Variants in ALX1 observed in about 807,000 individuals in gnomAD.
The protein encoded by ALX1 is ALX homeobox protein 1.
A neutral mutation model predicts 31.7 loss-of-function variants in ALX1; 19 were observed. The ratio of observed to expected loss-of-function variants is 0.60; its 90% CI spans 0.42 to 0.88. The LOEUF (loss-of-function observed/expected upper bound fraction) is 0.88. ALX1 is among the 40% of genes least tolerant of loss of function. The pLI is 0.00. For synonymous variants in ALX1, 153 were observed against 148.8 expected (o/e 1.03, Z -0.20); for missense variants, 415 against 407.8 (o/e 1.02, Z -0.15).
At chr12:85,291,704 G>A (rs1593050794) in intron 3 of ALX1, among the ~76,000 whole-genome samples, 1 of 150,984 alleles carries the variant, frequency 6.6e-6, no homozygotes, top group South Asian at 2.1e-4. Context: ...AGTATTGTTG[G>A]TGCTGGTGTT....
At chr12:85,294,184 T>C (rs1896855369) in intron 3 of ALX1, among the ~76,000 whole-genome samples, 1 of 151,196 alleles carries the variant, frequency 6.6e-6, no homozygotes, top group Admixed American at 6.6e-5. Flanking sequence ...TCTAAGCTAT[T>C]TATGCATAAA....
At chr12:85,282,050 G>A (rs1483919575) in intron 1 of ALX1, among the ~76,000 whole-genome samples, 3 of 152,098 alleles carry the variant, frequency 2.0e-5, no homozygotes, top group African/African-American at 7.2e-5. Flanking sequence ...CTTAATTTAG[G>A]AGAGATCCTG....
intron 2 of ALX1, among the ~76,000 whole-genome samples, chr12:85,286,397 T>A (rs962366324): frequency 2.6e-5 from 4 of 151,984 alleles, no homozygotes; most frequent in Non-Finnish European, 5.9e-5. Context: ...ACTTTTGTGA[T>A]ATATTTTAAA....
intron 2 of ALX1, among the ~76,000 whole-genome samples, chr12:85,285,737 T>A (rs1238644127): frequency 6.6e-6 from 1 of 152,008 alleles, no homozygotes; most frequent in Non-Finnish European, 1.5e-5. Context: ...TTGCATTTTT[T>A]ATATTTGATT....
chr12:85,301,329 A>G lies in ALX1; in HGVS notation c.835A>G (p.Asn279Asp). The G allele has an allele frequency of 1.2e-6, 2 of 1,613,942 alleles. No homozygotes were observed. Among genetic ancestry groups the G allele is most frequent in the South Asian group, 1.1e-5 (1 of 91,064 alleles). The change falls in exon 4 of 4, where the codon AAT becomes GAT. Residue 279 changes from asparagine (N) to aspartate (D), a missense_variant. Around this residue, in one of 3 missense-constraint regions of ALX1, gnomAD observed 174 missense variants for 177.5 expected, o/e 0.98. Transcript: ENST00000316824. ...QNQFSHVPLN[N>D]FFTDSLLTGA... ...CCAGTTCAGCCACGTGCCCCTCAACAATTTTTTCACTGACTCTCTTCTTAC... is the reference window on the plus strand; with the variant it reads ...CCAGTTCAGCCACGTGCCCCTCAACGATTTTTTCACTGACTCTCTTCTTAC...
At position 85,280,245 on chromosome 12, in the gene ALX1, G is replaced by T; in HGVS notation, c.-17G>T. 2 of 1,607,526 alleles carry T rather than the reference G, an allele frequency of 1.2e-6. No individual in the cohort carries two copies. The highest frequency in any genetic ancestry group is 1.1e-5 in the South Asian group (1 of 90,966). On this transcript the variant is annotated 5_prime_UTR_variant, in exon 1 of 4. Transcript: ENST00000316824. ...AGTTTCTGTGCCCCAGGAGCTACGC[G>T]ACAGTCTTCCAGGATTATGGAGTTT...
At chr12:85,288,432 C>T in intron 3 of ALX1, among the ~76,000 whole-genome samples, 1 of 151,466 alleles carries the variant, frequency 6.6e-6, no homozygotes, top group East Asian at 1.9e-4. Flanking sequence ...CATCATAGGG[C>T]TAGTCAAATT....
chr12:85,301,524 T>G lies in ALX1; in HGVS notation c.*49T>G. The G allele has an allele frequency of 1.3e-6, 2 of 1,573,676 alleles. No homozygotes were observed. The highest frequency in any genetic ancestry group is 2.2e-5 in the South Asian group (2 of 90,206). ...TTTTAATAGCAAAGTTAAACATTCT[T>G]ATTTCTCATATTTAAAGGATACCAC... On this transcript the variant is annotated 3_prime_UTR_variant, in exon 4 of 4. Transcript: ENST00000316824.
At chr12:85,287,228 G>A (rs531235653) in intron 3 of ALX1, among the ~76,000 whole-genome samples, 37 of 151,494 alleles carry the variant, frequency 2.4e-4, no homozygotes, top group Non-Finnish European at 4.1e-4. Context: ...GTTGTATATT[G>A]CCACCAATGA....
In ALX1 at chr12:85,283,668, A is replaced by G. The variant is rs1304532595; in HGVS notation, c.323A>G (p.Lys108Arg). The change falls in exon 2 of 4, where the codon AAA becomes AGA. Residue 108 changes from lysine to arginine, a missense_variant. Transcript: ENST00000316824. ...NCNSLRMSPV[K>R]GMQEKGELDE... is the part of the protein sequence containing the mutation. ...AACAGTCTCCGAATGTCTCCCGTGA[A>G]AGGGATGCAAGAGAAGGGAGAGCTG... 11 of 1,614,156 alleles carry G rather than the reference A, an allele frequency of 6.8e-6. No individual in the cohort carries two copies. The highest frequency in any genetic ancestry group is 8.5e-6 in the Non-Finnish European group (10 of 1,180,008).
In ALX1 at chr12:85,301,478, T is replaced by C. The variant is rs768309174; in HGVS notation, c.*3T>C. 1.2e-6 allele frequency: 2 copies of C among 1,613,166 alleles called. No individual in the cohort carries two copies. Among genetic ancestry groups the C allele is most frequent in the Admixed American group, 1.7e-5 (1 of 59,996 alleles). ...CCAATATTTCATGGGCCATGTAACA[T>C]ACAGTACTCTTTTATTTTTCTTTTA... On this transcript the variant is annotated 3_prime_UTR_variant, in exon 4 of 4. Coordinates refer to ENST00000316824, the MANE Select transcript of ALX1 (RefSeq NM_006982.3).
At chr12:85,282,455 T>C (rs1037198846) in intron 1 of ALX1, among the ~76,000 whole-genome samples, 4 of 152,196 alleles carry the variant, frequency 2.6e-5, no homozygotes, top group African/African-American at 9.6e-5. Context: ...ATTGAAGTTA[T>C]ATGCGCATTA....
chr12:85,281,603 C>A (rs1896674362), intron 1 of ALX1, among the ~76,000 whole-genome samples: 1 of 152,108 alleles, frequency 6.6e-6, no homozygotes, highest in African/African-American at 2.4e-5. Context: ...TTATTAATCT[C>A]ATATTTAACT....
intron 3 of ALX1, among the ~76,000 whole-genome samples, chr12:85,295,159 T>C (rs1896870679): frequency 6.6e-6 from 1 of 151,194 alleles, no homozygotes; most frequent in Admixed American, 6.6e-5. Flanking sequence ...TTTTTTCAGG[T>C]AGACAAAGTC....
chr12:85,300,722 A>G (rs550991789), intron 3 of ALX1, among the ~76,000 whole-genome samples: 50 of 152,212 alleles, frequency 3.3e-4, no homozygotes, highest in African/African-American at 1.1e-3. Context: ...AAACTGCCAC[A>G]CCAGGAGTCC....
At chr12:85,295,655 T>C (rs1896877979) in intron 3 of ALX1, among the ~76,000 whole-genome samples, 1 of 151,516 alleles carries the variant, frequency 6.6e-6, no homozygotes. Context: ...AAAGTATCCT[T>C]TAATTCCCAC....
intron 3 of ALX1, among the ~76,000 whole-genome samples, chr12:85,292,707 A>G (rs1195519864): frequency 1.3e-5 from 2 of 150,944 alleles, no homozygotes; most frequent in East Asian, 3.9e-4. Flanking sequence ...CCCATATAAT[A>G]GACTGTAGAC....
chr12:85,282,268 A>G (rs1896684955), intron 1 of ALX1, among the ~76,000 whole-genome samples: 1 of 152,158 alleles, frequency 6.6e-6, no homozygotes, highest in Admixed American at 6.5e-5. Context: ...TAGACAAATT[A>G]TAGTTGTATA....
At chr12:85,289,538 T>C (rs1896790048) in intron 3 of ALX1, among the ~76,000 whole-genome samples, 2 of 151,242 alleles carry the variant, frequency 1.3e-5, no homozygotes, top group Admixed American at 6.6e-5. Flanking sequence ...TTATTCCTCA[T>C]AATTTTGTAT....
Sources: allele counts gnomAD v4.1 joint callset (sites outside exome capture counted in the v4.1 genomes callset), GRCh38; gene constraint gnomAD v4.1.1; regional missense constraint gnomAD v4.1.1; transcripts MANE v1.5; gene names NCBI Gene and HGNC (gene_info 2026-07-23, HGNC 2026-07-21).